NRP1: variants seen among roughly 807,000 people sequenced by gnomAD.
NRP1 encodes neuropilin-1.
Under a neutral mutation model 106.7 loss-of-function variants are expected in NRP1, and 35 were observed. The ratio of observed to expected loss-of-function variants is 0.33; its 90% CI spans 0.25 to 0.43. The LOEUF is 0.43. Ranked by LOEUF, NRP1 falls within the 20% of genes least tolerant of loss-of-function variation. The probability of loss-of-function intolerance (pLI) is 1.00; values close to 1 mark genes in which losing one functional copy is unlikely to be tolerated. For missense variants in NRP1, 1,024 were observed against 1,170.4 expected, an observed-to-expected ratio of 0.87 and a Z score of 1.83; for synonymous variants, 437 against 417.9, an observed-to-expected ratio of 1.05 and a Z score of -0.56.
chr10:33,291,242 G>A (rs547707654), intron 2 of NRP1, among the ~76,000 whole-genome samples: 94 of 152,242 alleles, frequency 6.2e-4, no homozygotes, highest in Middle Eastern at 3.4e-3. Context: ...CTGATTTGAT[G>A]GTTTTTGTCA....
chr10:33,180,252 C>A lies in NRP1; in HGVS notation c.2596G>T (p.Ala866Ser). 2 of 1,614,088 alleles carry A rather than the reference C, an allele frequency of 1.2e-6. No homozygotes were observed. The highest frequency in any genetic ancestry group is 2.2e-5 in the East Asian group (1 of 44,866). The change falls in exon 17 of 17, where the codon GCC becomes TCC. Residue 866 changes from alanine to serine, a missense_variant. Physicochemically the swap from Ala to Ser is moderately conservative, Grantham distance 99. Transcript: ENST00000374867. ...PILITIIAMS[A>S]LGVLLGAVCG... is the part of the protein sequence containing the mutation. Reference sequence around the variant, plus strand: ...ACAGCCCCCAGGAGGACCCCCAGGGCACTCATGGCTATGATGGTGATGAGG... The same window carrying A: ...ACAGCCCCCAGGAGGACCCCCAGGGAACTCATGGCTATGATGGTGATGAGG...
intron 4 of NRP1, 54 bp from the exon 5 acceptor site, chr10:33,256,525 T>C: frequency 6.3e-7 from 1 of 1,592,740 alleles, no homozygotes; most frequent in Non-Finnish European, 8.6e-7. Context: ...CTGCAGCAGA[T>C]GCAAGAATTA....
rs552607479 is a variant in NRP1, at chr10:33,267,550, T to G, written c.430+3125A>C. Among the ~76,000 whole-genome samples, 5 of 152,072 alleles carry G rather than the reference T, an allele frequency of 3.3e-5. No individual in the cohort carries two copies. The East Asian group carries it at 7.7e-4, about 23-fold the overall frequency. ...CAAACTCTCAATCACATAACATATA[T>G]CAAGTGACCAAGTCTGCCCTCAGTA... On this transcript the variant is annotated intron_variant, in intron 3 of 16. Coordinates refer to ENST00000374867, the MANE Select transcript of NRP1 (RefSeq NM_003873.7).
intron 6 of NRP1, among the ~76,000 whole-genome samples, chr10:33,228,012 T>C (rs1298211341): frequency 3.3e-5 from 5 of 151,372 alleles, no homozygotes; most frequent in African/African-American, 1.2e-4. Flanking sequence ...TAACTAAGAA[T>C]AATCTTGAAA....
chr10:33,273,764 T>C (rs1843481131), intron 2 of NRP1, among the ~76,000 whole-genome samples: 1 of 151,220 alleles, frequency 6.6e-6, no homozygotes, highest in Non-Finnish European at 1.5e-5. Flanking sequence ...AGAGGAGGGG[T>C]CAGAGAGTTG....
intron 3 of NRP1, 25 bp downstream of exon 3, chr10:33,270,650 G>C: frequency 1.3e-6 from 2 of 1,572,626 alleles, no homozygotes; most frequent in Non-Finnish European, 1.7e-6. Flanking sequence ...AGTCATTCTT[G>C]TTCTACCGTA....
At chr10:33,267,058 C>A (rs1004489341) in intron 3 of NRP1, among the ~76,000 whole-genome samples, 3 of 151,930 alleles carry the variant, frequency 2.0e-5, no homozygotes, top group South Asian at 2.1e-4. Flanking sequence ...AACAAAAAAA[C>A]GTGTAGCACC....
intron 2 of NRP1, among the ~76,000 whole-genome samples, chr10:33,277,626 T>C (rs1843805487): frequency 6.6e-6 from 1 of 152,240 alleles, no homozygotes; most frequent in Non-Finnish European, 1.5e-5. Flanking sequence ...ACAACCTGGC[T>C]GCTGTCCTCC....
chr10:33,304,768 T>C (rs1039163381), intron 2 of NRP1, among the ~76,000 whole-genome samples: 4 of 152,340 alleles, frequency 2.6e-5, no homozygotes, highest in East Asian at 3.9e-4. Flanking sequence ...CAGAAATGCA[T>C]GGCACTCCTC....
chr10:33,322,733 G>A (rs1243391968), intron 2 of NRP1, among the ~76,000 whole-genome samples: 1 of 152,192 alleles, frequency 6.6e-6, no homozygotes, highest in African/African-American at 2.4e-5. Context: ...TCTATGCACA[G>A]TTTTCACAAG....
At chr10:33,319,882 G>A (rs1319885881) in intron 2 of NRP1, among the ~76,000 whole-genome samples, 4 of 150,452 alleles carry the variant, frequency 2.7e-5, no homozygotes, top group East Asian at 4.1e-4. Flanking sequence ...CACCGCGCCC[G>A]GCCTGGGTCG....
At chr10:33,203,097 C>T (rs1232657294) in intron 10 of NRP1, 102 bp from the exon 11 acceptor site, 16 of 1,165,592 alleles carry the variant, frequency 1.4e-5, no homozygotes, top group African/African-American at 6.1e-5. Flanking sequence ...CTTTAATCTG[C>T]GGTAAGAAGA....
intron 7 of NRP1, among the ~76,000 whole-genome samples, chr10:33,223,766 G>A (rs1352926601): frequency 1.3e-5 from 2 of 152,144 alleles, no homozygotes; most frequent in Non-Finnish European, 2.9e-5. Flanking sequence ...ATCTGTGTGG[G>A]AGCATTTTTG....
At chr10:33,251,168 T>G (rs1382510552) in intron 6 of NRP1, among the ~76,000 whole-genome samples, 4 of 152,190 alleles carry the variant, frequency 2.6e-5, no homozygotes, top group Admixed American at 2.6e-4. Flanking sequence ...TCATGAGATC[T>G]GATGGTTTTA....
At chr10:33,251,208 C>T (rs954971016) in intron 6 of NRP1, among the ~76,000 whole-genome samples, 4 of 152,150 alleles carry the variant, frequency 2.6e-5, no homozygotes, top group South Asian at 2.1e-4. Flanking sequence ...CTCCTTCACT[C>T]GCCTCTTTCA....
intron 2 of NRP1, among the ~76,000 whole-genome samples, chr10:33,298,105 C>G (rs1274635095): frequency 6.6e-6 from 1 of 152,122 alleles, no homozygotes. Context: ...TCTTGGGATC[C>G]TCTGGAAATA....
intron 9 of NRP1, chr10:33,212,207 T>G (rs1838360337): frequency 1.3e-5 from 2 of 152,216 alleles, no homozygotes; most frequent in Non-Finnish European, 2.9e-5. Context: ...TACTGCATCT[T>G]AAAAGGTTTC....
At chr10:33,218,574 T>C (rs990198556) in intron 8 of NRP1, among the ~76,000 whole-genome samples, 17 of 152,264 alleles carry the variant, frequency 1.1e-4, no homozygotes, top group African/African-American at 3.9e-4. Context: ...CTCAATCTCC[T>C]GACCTCGTGA....
intron 2 of NRP1, among the ~76,000 whole-genome samples, chr10:33,277,921 T>C (rs1465792943): frequency 1.3e-5 from 2 of 152,326 alleles, no homozygotes; most frequent in African/African-American, 2.4e-5. Flanking sequence ...CTGTGTATTA[T>C]AAGCAGGATT....
Sources: gnomAD v4.1 joint callset for allele counts (sites outside exome capture counted in the v4.1 genomes callset) on GRCh38, gnomAD v4.1.1 for gene constraint, MANE v1.5 for transcripts, NCBI Gene and HGNC (gene_info 2026-07-23, HGNC 2026-07-21) for gene names.